The following DGKD variants were observed in gnomAD, a reference collection of about 807,000 sequenced individuals.
DGKD encodes the protein diacylglycerol kinase delta, also known as DAG kinase delta.
A neutral mutation model predicts 154.4 loss-of-function variants in DGKD; 68 were observed. The observed-to-expected ratio is 0.44, with a 90% CI of 0.36 to 0.54. The LOEUF (loss-of-function observed/expected upper bound fraction) is 0.54. Ranked by LOEUF, DGKD falls within the 20% of genes least tolerant of loss-of-function variation. The probability of loss-of-function intolerance (pLI) is 0.00; values close to 1 mark genes in which losing one functional copy is unlikely to be tolerated. For missense variants in DGKD, 1,343 were observed against 1,593.6 expected, an observed-to-expected ratio of 0.84 and a Z score of 2.68; for synonymous variants, 693 against 638.0, an observed-to-expected ratio of 1.09 and a Z score of -1.30.
intron 3 of DGKD, among the ~76,000 whole-genome samples, chr2:233,410,262 A>G (rs905764545): frequency 5.3e-5 from 8 of 152,150 alleles, no homozygotes; most frequent in African/African-American, 1.9e-4. Context: ...TTGAAGAAAG[A>G]GGGGGGGCTC....
chr2:233,394,892 G>A (rs1703908396), intron 3 of DGKD, among the ~76,000 whole-genome samples: 1 of 151,206 alleles, frequency 6.6e-6, no homozygotes, highest in Non-Finnish European at 1.5e-5. Context: ...TTTTTGTAGA[G>A]ATGGGGTCTA....
At chr2:233,435,179 G>A (rs1214883214) in intron 5 of DGKD, among the ~76,000 whole-genome samples, 1 of 152,212 alleles carries the variant, frequency 6.6e-6, no homozygotes, top group Non-Finnish European at 1.5e-5. Context: ...GGCACTGAAG[G>A]AACAGTGGTC....
rs750497468 is a variant in DGKD, at chr2:233,450,142, C to T, written c.2038+11C>T. Reference sequence around the variant, plus strand: ...GGAGCCAGCGCAAAGGTACTTGTGCCTCCACCTCCCTCTGCGCACCGTCGT... The same window carrying T: ...GGAGCCAGCGCAAAGGTACTTGTGCTTCCACCTCCCTCTGCGCACCGTCGT... On this transcript the variant is annotated intron_variant, in intron 16 of 29. Coordinates refer to ENST00000264057, the MANE Select transcript of DGKD (RefSeq NM_152879.3). The T allele has an allele frequency of 1.3e-6, 2 of 1,599,540 alleles. No individual in the cohort carries two copies. The highest frequency in any genetic ancestry group is 2.2e-5 in the East Asian group (1 of 44,520).
chr2:233,418,261 C>A (rs940968517), intron 3 of DGKD, among the ~76,000 whole-genome samples: 1 of 152,188 alleles, frequency 6.6e-6, no homozygotes, highest in Non-Finnish European at 1.5e-5. Flanking sequence ...ATTTTGCCTT[C>A]TGCATGCTGG....
chr2:233,420,135 A>G lies in DGKD; in HGVS notation c.349-14245A>G, dbSNP rs534509784. Among the ~76,000 whole-genome samples, 7 of 152,316 alleles carry G rather than the reference A, an allele frequency of 4.6e-5. No individual in the cohort carries two copies. The East Asian group carries it at 1.4e-3, about 29-fold the overall frequency. On this transcript the variant is annotated intron_variant, in intron 3 of 29. Coordinates refer to ENST00000264057, the MANE Select transcript of DGKD (RefSeq NM_152879.3). ...TGTATAAAAGCCCTGGGAACCCTGC[A>G]TAAAGGGGTTGGGATGGTAAAGGAG...
intron 19 of DGKD, among the ~76,000 whole-genome samples, chr2:233,456,016 A>G (rs2063449042): frequency 6.6e-6 from 1 of 152,206 alleles, no homozygotes; most frequent in African/African-American, 2.4e-5. Flanking sequence ...TAGCAGGGTA[A>G]AATAAGTAGT....
At chr2:233,380,481 G>T (rs760953055) in intron 1 of DGKD, among the ~76,000 whole-genome samples, 11 of 152,178 alleles carry the variant, frequency 7.2e-5, no homozygotes, top group Non-Finnish European at 1.5e-4. Flanking sequence ...TAAAGCAAAG[G>T]TGGCACTGAG....
In DGKD at chr2:233,462,336, CT is replaced by C; in HGVS notation, c.2982-10del. 1 of 1,590,748 alleles carries C rather than the reference CT, an allele frequency of 6.3e-7. No homozygotes were observed. Among genetic ancestry groups the C allele is most frequent in the Non-Finnish European group, 8.6e-7 (1 of 1,161,532 alleles). ...TGGCCTGACATCTGCCCGTGCTTCT[CT>C]TCCTCTCTAGTATCCGAGAAATAGC... On this transcript the variant is annotated splice_polypyrimidine_tract_variant and intron_variant, in intron 24 of 29. Coordinates refer to ENST00000264057, the MANE Select transcript of DGKD (RefSeq NM_152879.3).
chr2:233,417,394 T>G (rs748009892), intron 3 of DGKD, among the ~76,000 whole-genome samples: 6 of 152,214 alleles, frequency 3.9e-5, no homozygotes, highest in Non-Finnish European at 8.8e-5. Context: ...TGTGGTAAAA[T>G]TTGTTCATTT....
chr2:233,420,969 G>A (rs2062094260), intron 3 of DGKD, among the ~76,000 whole-genome samples: 1 of 152,184 alleles, frequency 6.6e-6, no homozygotes, highest in Non-Finnish European at 1.5e-5. Context: ...ATTGCCAGGT[G>A]TGTGCATCTT....
intron 1 of DGKD, among the ~76,000 whole-genome samples, chr2:233,387,223 T>G (rs1703239067): frequency 6.6e-6 from 1 of 152,202 alleles, no homozygotes; most frequent in Non-Finnish European, 1.5e-5. Context: ...GTTTGAAACA[T>G]TTACGTAAAG....
chr2:233,401,919 C>CAAAA (rs34388122), intron 3 of DGKD, among the ~76,000 whole-genome samples: 3 of 54,806 alleles, frequency 5.5e-5, no homozygotes, highest in Admixed American at 2.2e-4. Context: ...GACTCTGTCT[C>CAAAA]AAAAAAAAAA....
rs576092167 is a variant in DGKD, at chr2:233,438,534, A to G, written c.1085+155A>G. Among the ~76,000 whole-genome samples the G allele has an allele frequency of 4.6e-5, 7 of 152,204 alleles. No individual in the cohort carries two copies. The East Asian group carries it at 9.7e-4, about 21-fold the overall frequency. On this transcript the variant is annotated intron_variant, in intron 9 of 29. Transcript: ENST00000264057. This position sits in a 1 kb window ranked among gnomAD's most constrained non-coding sequence, Gnocchi z 4.1. ...CCAAATTGCACTTGCAGAGGTGCCC[A>G]CTCTTAATAGAGGTGCATGGCCTTC... is the stretch of plus-strand genomic sequence containing the variant.
At position 233,457,759 on chromosome 2, in the gene DGKD, G is replaced by A; in HGVS notation, c.2580+431G>A. 8.2e-6 allele frequency: 3 copies of A among 366,250 alleles called. No individual in the cohort carries two copies. The highest frequency in any genetic ancestry group is 4.1e-5 in the South Asian group (2 of 48,630). 22.7% of individuals were successfully genotyped at this position (366,250 alleles called of 1,614,324 possible). A position where few individuals can be genotyped will look rare whatever the true frequency, so the allele number is the denominator to read the frequency against. On this transcript the variant is annotated intron_variant, in intron 21 of 29. Coordinates refer to ENST00000264057, the MANE Select transcript of DGKD (RefSeq NM_152879.3). This position sits in a 1 kb window ranked among gnomAD's most constrained non-coding sequence, Gnocchi z 5.5. ...AGGATGGGAGAGAGGTGCCCCGACT[G>A]CAGTGGGCAGCAGGGGCGTGGAGAG...
chr2:233,436,464 G>A (rs2062699270), intron 7 of DGKD, 23 bp downstream of exon 7: 11 of 1,605,298 alleles, frequency 6.9e-6, no homozygotes, highest in Non-Finnish European at 9.3e-6. Context: ...CCTGCGCCCG[G>A]GCTGGAGGGG....
intron 1 of DGKD, among the ~76,000 whole-genome samples, chr2:233,361,992 C>G (rs1220616672): frequency 6.6e-6 from 1 of 152,136 alleles, no homozygotes; most frequent in Non-Finnish European, 1.5e-5. Flanking sequence ...GAGACGGAGT[C>G]TTACCATGTT....
At chr2:233,446,882 A>G in intron 12 of DGKD, 86 bp downstream of exon 12, 9 of 1,473,458 alleles carry the variant, frequency 6.1e-6, no homozygotes, top group Non-Finnish European at 8.4e-6. Context: ...CCTCCCTTGC[A>G]GAGACGCCTC....
chr2:233,386,643 C>T (rs1485711880), intron 1 of DGKD, among the ~76,000 whole-genome samples: 2 of 152,236 alleles, frequency 1.3e-5, no homozygotes, highest in South Asian at 2.1e-4. Flanking sequence ...CTTTTTCCTT[C>T]CTGGCACTCT....
chr2:233,402,905 C>G (rs56306918), intron 3 of DGKD, among the ~76,000 whole-genome samples: 4,637 of 152,226 alleles, frequency 0.03, 229 homozygotes, highest in African/African-American at 0.11. Context: ...TAAGTGTGTT[C>G]CCTACTCTGG....
Sources: allele counts gnomAD v4.1 joint callset (sites outside exome capture counted in the v4.1 genomes callset), GRCh38; gene constraint gnomAD v4.1.1; non-coding constraint Gnocchi (gnomAD v3.1); transcripts MANE v1.5; gene names NCBI Gene and HGNC (gene_info 2026-07-23, HGNC 2026-07-21).